The following HDAC9 variants were observed in gnomAD, a reference collection of about 807,000 sequenced individuals.
HDAC9 encodes histone deacetylase 9.
In HDAC9, 41 loss-of-function variants were observed where a neutral mutation model predicts 139.4. That is an observed-to-expected ratio of 0.29 (90% CI 0.23 to 0.38). The LOEUF (loss-of-function observed/expected upper bound fraction) is 0.38. Ranked by LOEUF, HDAC9 falls within the 10% of genes least tolerant of loss-of-function variation. The pLI is 1.00. For synonymous variants in HDAC9, 517 were observed against 476.2 expected, an observed-to-expected ratio of 1.09 and a Z score of -1.12; for missense variants, 1,147 against 1,297.0, an observed-to-expected ratio of 0.88 and a Z score of 1.78.
chr7:18,391,830 G>C (rs577974321), intron 1 of HDAC9, among the ~76,000 whole-genome samples: 2 of 152,294 alleles, frequency 1.3e-5, no homozygotes, highest in African/African-American at 4.8e-5. Context: ...GGCAATAGAA[G>C]TTTTTACCAT....
chr7:18,411,774 A>T, intron 1 of HDAC9, among the ~76,000 whole-genome samples: 1 of 140,178 alleles, frequency 7.1e-6, no homozygotes, highest in African/African-American at 2.6e-5. Flanking sequence ...CAAAGCTATG[A>T]TGTTCACAGT....
intron 12 of HDAC9, among the ~76,000 whole-genome samples, chr7:18,699,239 C>T (rs1219226876): frequency 2.0e-5 from 3 of 152,130 alleles, no homozygotes; most frequent in Non-Finnish European, 4.4e-5. Context: ...AGGGTGATCC[C>T]ATGGATATCT....
chr7:18,521,807 C>T (rs979220316), intron 2 of HDAC9, among the ~76,000 whole-genome samples: 9 of 152,062 alleles, frequency 5.9e-5, no homozygotes, highest in African/African-American at 2.2e-4. Context: ...AAAAAACATT[C>T]AATTAATATT....
intron 6 of HDAC9, among the ~76,000 whole-genome samples, chr7:18,604,768 T>C (rs1834993233): frequency 6.6e-6 from 1 of 152,032 alleles, no homozygotes; most frequent in Admixed American, 6.6e-5. Context: ...TTTCCTAGAG[T>C]TTCCATTTCT....
chr7:18,146,800 G>T (rs953808851), intron 1 of HDAC9, among the ~76,000 whole-genome samples: 43 of 152,064 alleles, frequency 2.8e-4, no homozygotes, highest in African/African-American at 8.9e-4. Flanking sequence ...ATTCAAATCA[G>T]AAAACCCCCT....
intron 1 of HDAC9, among the ~76,000 whole-genome samples, chr7:18,447,337 T>C (rs893685556): frequency 6.6e-6 from 1 of 152,188 alleles, no homozygotes; most frequent in African/African-American, 2.4e-5. Flanking sequence ...CTTACCACAA[T>C]TATGGTCACT....
intron 1 of HDAC9, among the ~76,000 whole-genome samples, chr7:18,343,832 C>A (rs998807295): frequency 6.6e-6 from 1 of 151,702 alleles, no homozygotes; most frequent in African/African-American, 2.4e-5. Context: ...TTACTTCTAA[C>A]AAAAAGAATC....
chr7:18,772,539 T>C (rs1790402647), intron 16 of HDAC9, among the ~76,000 whole-genome samples: 1 of 152,102 alleles, frequency 6.6e-6, no homozygotes, highest in Non-Finnish European at 1.5e-5. Flanking sequence ...ATTTCCCTCC[T>C]ATTAATGTTC....
At chr7:18,428,461 T>C (rs1790328021) in intron 1 of HDAC9, among the ~76,000 whole-genome samples, 1 of 152,180 alleles carries the variant, frequency 6.6e-6, no homozygotes, top group South Asian at 2.1e-4. Flanking sequence ...GCTAAAGGTT[T>C]GCAGGGATAT....
At chr7:18,906,243 C>A (rs1283262263) in intron 22 of HDAC9, among the ~76,000 whole-genome samples, 1 of 151,922 alleles carries the variant, frequency 6.6e-6, no homozygotes, top group Admixed American at 6.6e-5. Flanking sequence ...CTCCCAGGCT[C>A]AAGTGATTCT....
intron 1 of HDAC9, among the ~76,000 whole-genome samples, chr7:18,438,718 G>A (rs1390573880): frequency 6.6e-6 from 1 of 151,790 alleles, no homozygotes; most frequent in Non-Finnish European, 1.5e-5. Flanking sequence ...GTGCATGTGT[G>A]TAAATGTTCA....
chr7:18,267,529 G>A (rs919147534), intron 2 of HDAC9, among the ~76,000 whole-genome samples: 1 of 152,064 alleles, frequency 6.6e-6, no homozygotes, highest in Admixed American at 6.6e-5. Flanking sequence ...CTACCTATAA[G>A]TGAGATCATG....
intron 2 of HDAC9, among the ~76,000 whole-genome samples, chr7:18,214,834 G>T (rs1792185414): frequency 1.3e-5 from 2 of 152,166 alleles, no homozygotes; most frequent in Admixed American, 6.5e-5. Context: ...TTTATAAAAA[G>T]ACCTCTTTGT....
chr7:18,525,535 C>T (rs1269949586), intron 2 of HDAC9, among the ~76,000 whole-genome samples: 4 of 152,116 alleles, frequency 2.6e-5, no homozygotes, highest in African/African-American at 9.7e-5. Context: ...TGTTAATGTT[C>T]ATTCTAAACA....
At chr7:18,224,893 A>G (rs973921126) in intron 2 of HDAC9, among the ~76,000 whole-genome samples, 1 of 152,174 alleles carries the variant, frequency 6.6e-6, no homozygotes, top group African/African-American at 2.4e-5. Flanking sequence ...TGTCCCCCCA[A>G]AAAAAGCTGC....
intron 14 of HDAC9, among the ~76,000 whole-genome samples, chr7:18,751,529 A>G (rs1336622775): frequency 6.6e-6 from 1 of 152,112 alleles, no homozygotes; most frequent in Non-Finnish European, 1.5e-5. Context: ...AAACACCCAT[A>G]TTAGCGAAGA....
At position 18,629,384 on chromosome 7, in the gene HDAC9, A is replaced by G; in HGVS notation, c.699A>G (p.Leu233=). 1.2e-6 allele frequency: 2 copies of G among 1,609,370 alleles called. No homozygotes were observed. Among genetic ancestry groups the G allele is most frequent in the Non-Finnish European group, 1.7e-6 (2 of 1,178,034 alleles). Reference sequence around the variant, plus strand: ...CCAACTTGAAGGTGCGGTCCAGGTTAAAACAGAAAGTGGCAGAGAGGAGAA... The same window carrying G: ...CCAACTTGAAGGTGCGGTCCAGGTTGAAACAGAAAGTGGCAGAGAGGAGAA... ...SEPNLKVRSR[L]KQKVAERRSS... The change falls in exon 7 of 26, where the codon TTA becomes TTG. Residue 233 remains leucine (L), a synonymous_variant. Coordinates refer to ENST00000686413, the MANE Select transcript of HDAC9 (RefSeq NM_178425.4).
intron 2 of HDAC9, among the ~76,000 whole-genome samples, chr7:18,181,895 A>G (rs894407252): frequency 2.0e-5 from 3 of 152,254 alleles, no homozygotes; most frequent in Admixed American, 6.5e-5. Flanking sequence ...TTCTCAGGAT[A>G]TATAGAAACA....
intron 12 of HDAC9, among the ~76,000 whole-genome samples, chr7:18,702,972 T>G (rs892873347): frequency 6.6e-6 from 1 of 152,236 alleles, no homozygotes; most frequent in African/African-American, 2.4e-5. Context: ...ATTGTGTATT[T>G]TGAAATCCAC....
Sources: allele counts gnomAD v4.1 joint callset (sites outside exome capture counted in the v4.1 genomes callset), GRCh38; gene constraint gnomAD v4.1.1; transcripts MANE v1.5; gene names NCBI Gene and HGNC (gene_info 2026-07-23, HGNC 2026-07-21).